TP63: variants seen among roughly 807,000 people sequenced by gnomAD.
The protein encoded by TP63 is tumor protein 63.
Under a neutral mutation model 82.8 loss-of-function variants are expected in TP63, and 17 were observed. That is an observed-to-expected ratio of 0.21 (90% CI 0.14 to 0.31). TP63 has a LOEUF of 0.31. Ranked by LOEUF, TP63 falls within the 10% of genes least tolerant of loss-of-function variation. The pLI, the probability that TP63 is intolerant of heterozygous loss-of-function variation, is 1.00. For missense variants in TP63, 648 were observed against 895.3 expected, an observed-to-expected ratio of 0.72 and a Z score of 3.52; for synonymous variants, 330 against 321.7, an observed-to-expected ratio of 1.03 and a Z score of -0.28.
chr3:189,653,503 A>C lies in TP63; in HGVS notation c.62+21926A>C, dbSNP rs76407490. On this transcript the variant is annotated intron_variant, in intron 1 of 13. Transcript: ENST00000264731. ...TCTCAGTTTCTATGTTGTAACCATT[A>C]TATGTCACAATTATAAACTATGTTA... 2.1e-3 allele frequency among the ~76,000 whole-genome samples: 320 copies of C among 152,336 alleles called. 6 individuals carry two copies. The highest frequency in any genetic ancestry group is 0.018 in the East Asian group (95 of 5,188).
chr3:189,877,249 T>G (rs961412466), intron 10 of TP63, among the ~76,000 whole-genome samples: 6 of 152,204 alleles, frequency 3.9e-5, no homozygotes, highest in Non-Finnish European at 1.5e-5. Flanking sequence ...GAGTTATGTT[T>G]CTAGATGCCA....
chr3:189,642,520 T>C (rs954329897), intron 1 of TP63, among the ~76,000 whole-genome samples: 2 of 152,132 alleles, frequency 1.3e-5, no homozygotes, highest in African/African-American at 4.8e-5. Context: ...GCAAATGTTA[T>C]ACCTCCTAAC....
intron 4 of TP63, among the ~76,000 whole-genome samples, chr3:189,839,040 T>TAAAAAAAAAAAAAAAAAAAAAAAA (rs5855274): frequency 1.1e-5 from 1 of 88,604 alleles, no homozygotes; most frequent in African/African-American, 4.8e-5. Flanking sequence ...TATCCTAAGC[T>TAAAAAAAAAAAAAAAAAAAAAAAA]AAAAAAAAAA....
intron 1 of TP63, among the ~76,000 whole-genome samples, chr3:189,696,845 T>C (rs961557223): frequency 1.2e-4 from 19 of 152,124 alleles, no homozygotes; most frequent in African/African-American, 4.6e-4. Context: ...ATGTACTTTG[T>C]TGAGGTGTCT....
chr3:189,850,661 G>A (rs1017514453), intron 4 of TP63, among the ~76,000 whole-genome samples: 9 of 151,920 alleles, frequency 5.9e-5, no homozygotes, highest in Non-Finnish European at 1.2e-4. Flanking sequence ...ACACCAACAT[G>A]GCACATGTAT....
chr3:189,793,622 G>C (rs1349341009), intron 3 of TP63, among the ~76,000 whole-genome samples: 1 of 152,036 alleles, frequency 6.6e-6, no homozygotes, highest in African/African-American at 2.4e-5. Context: ...ATCTGAGCTG[G>C]TAGAATAGAG....
chr3:189,828,922 T>G (rs1359200760), intron 4 of TP63, among the ~76,000 whole-genome samples: 1 of 152,224 alleles, frequency 6.6e-6, no homozygotes, highest in East Asian at 1.9e-4. Context: ...AAATGAATGC[T>G]ATTATTATAA....
chr3:189,693,554 C>T (rs553140374), intron 1 of TP63, among the ~76,000 whole-genome samples: 26 of 152,072 alleles, frequency 1.7e-4, no homozygotes, highest in African/African-American at 4.3e-4. Flanking sequence ...TGGAGTGCTT[C>T]GTATACTAAA....
At chr3:189,707,037 T>C (rs1718256355) in intron 1 of TP63, among the ~76,000 whole-genome samples, 1 of 152,160 alleles carries the variant, frequency 6.6e-6, no homozygotes, top group African/African-American at 2.4e-5. Flanking sequence ...GCAGTGTATA[T>C]ACAGATGAAG....
chr3:189,666,150 G>A (rs7649689), intron 1 of TP63, among the ~76,000 whole-genome samples: 198 of 152,014 alleles, frequency 1.3e-3, no homozygotes, highest in African/African-American at 4.2e-3. Context: ...CTTATCAAAC[G>A]TAATAAATAA....
At position 189,650,230 on chromosome 3, in the gene TP63, C is replaced by T. The variant is rs1346865628; in HGVS notation, c.62+18653C>T. On this transcript the variant is annotated intron_variant, in intron 1 of 13. Coordinates refer to ENST00000264731, the MANE Select transcript of TP63 (RefSeq NM_003722.5). Reference sequence around the variant, plus strand: ...GTTCTCAGCTTAGAGAACTTGGAAGCCTGATATGTCCGCAAAAGATCAATT... The same window carrying T: ...GTTCTCAGCTTAGAGAACTTGGAAGTCTGATATGTCCGCAAAAGATCAATT... 5.4e-5 allele frequency among the ~76,000 whole-genome samples: 8 copies of T among 146,916 alleles called. 1 individual carries two copies.
chr3:189,748,848 G>A (rs1721583806), intron 3 of TP63, among the ~76,000 whole-genome samples: 1 of 152,054 alleles, frequency 6.6e-6, no homozygotes, highest in African/African-American at 2.4e-5. Context: ...ATAGGTCAAT[G>A]AGACATAATA....
intron 3 of TP63, among the ~76,000 whole-genome samples, chr3:189,788,742 C>A (rs1464117): frequency 0.19 from 28,464 of 151,790 alleles, 2,876 homozygotes; most frequent in East Asian, 0.46. Context: ...AATGTTGGTA[C>A]GTATTTATGT....
At chr3:189,787,343 G>T (rs1724689858) in intron 3 of TP63, among the ~76,000 whole-genome samples, 1 of 152,024 alleles carries the variant, frequency 6.6e-6, no homozygotes, top group Non-Finnish European at 1.5e-5. Context: ...AAATCATTTA[G>T]CTCTGCCCTC....
intron 10 of TP63, among the ~76,000 whole-genome samples, chr3:189,879,512 A>T (rs550306213): frequency 1.3e-5 from 2 of 152,360 alleles, no homozygotes; most frequent in South Asian, 4.1e-4. Context: ...CTGATGCCAC[A>T]GGCCCCATTC....
At chr3:189,666,604 A>G (rs1450886444) in intron 1 of TP63, among the ~76,000 whole-genome samples, 1 of 152,142 alleles carries the variant, frequency 6.6e-6, no homozygotes, top group Non-Finnish European at 1.5e-5. Flanking sequence ...AATATTAAGA[A>G]ATGATTTAGA....
intron 1 of TP63, among the ~76,000 whole-genome samples, chr3:189,697,589 T>C (rs879290355): frequency 6.6e-6 from 1 of 152,002 alleles, no homozygotes; most frequent in African/African-American, 2.4e-5. Context: ...AAAAAATAAA[T>C]AACCTTCCAG....
chr3:189,728,196 A>G (rs1047364346), intron 1 of TP63, among the ~76,000 whole-genome samples: 6 of 151,410 alleles, frequency 4.0e-5, no homozygotes, highest in Non-Finnish European at 5.9e-5. Flanking sequence ...AGGAGTAGAG[A>G]TGATGAGAAA....
intron 9 of TP63, among the ~76,000 whole-genome samples, chr3:189,872,214 A>C (rs1192184825): frequency 2.0e-5 from 3 of 151,884 alleles, no homozygotes; most frequent in African/African-American, 7.3e-5. Context: ...CATCGCTCCT[A>C]AGAGAAATAT....
Sources: gnomAD v4.1 joint callset for allele counts (sites outside exome capture counted in the v4.1 genomes callset) on GRCh38, gnomAD v4.1.1 for gene constraint, MANE v1.5 for transcripts, NCBI Gene and HGNC (gene_info 2026-07-23, HGNC 2026-07-21) for gene names.